The following TMEM242 variants were observed in gnomAD, a reference collection of about 807,000 sequenced individuals.
TMEM242 encodes transmembrane protein 242.
Under a neutral mutation model 18.2 loss-of-function variants are expected in TMEM242, and 10 were observed. The observed-to-expected ratio is 0.55, with a 90% CI of 0.34 to 0.93. The LOEUF is 0.93. Ranked by LOEUF, TMEM242 falls within the 40% of genes least tolerant of loss-of-function variation. TMEM242 has a pLI of 0.02. For missense variants in TMEM242, 186 were observed against 175.5 expected, an observed-to-expected ratio of 1.06 and a Z score of -0.34; for synonymous variants, 57 against 69.9, an observed-to-expected ratio of 0.81 and a Z score of 0.92.
intron 3 of TMEM242, among the ~76,000 whole-genome samples, chr6:157,298,573 C>T (rs2128413019): frequency 6.6e-6 from 1 of 152,158 alleles, no homozygotes; most frequent in African/African-American, 2.4e-5. Context: ...AAAGGCCGTC[C>T]CAGAGGAAAT....
At chr6:157,312,100 C>CAGTGTGCG (rs1562384157) in intron 3 of TMEM242, among the ~76,000 whole-genome samples, 5 of 3,212 alleles carry the variant, frequency 1.6e-3, no homozygotes, top group African/African-American at 4.2e-3. Flanking sequence ...CCTAGTGTCC[C>CAGTGTGCG]CTCACCTAGC....
intron 3 of TMEM242, among the ~76,000 whole-genome samples, chr6:157,313,810 AGAGCGCCCCAG>A (rs1778306545): frequency 1.4e-5 from 2 of 146,884 alleles, no homozygotes; most frequent in East Asian, 2.1e-4. Context: ...TGGCCTCATC[AGAGCGCCCCAG>A]TGTGCGCTCA....
chr6:157,295,099 TG>T (rs1315661334), intron 3 of TMEM242, among the ~76,000 whole-genome samples: 1 of 152,270 alleles, frequency 6.6e-6, no homozygotes, highest in African/African-American at 2.4e-5. Context: ...TATTATGGAA[TG>T]TCTGTTAAGT....
intron 3 of TMEM242, among the ~76,000 whole-genome samples, chr6:157,310,796 TCA>T (rs1554248451): frequency 6.7e-6 from 1 of 149,748 alleles, no homozygotes; most frequent in Non-Finnish European, 1.5e-5. Context: ...TCACCCGGCC[TCA>T]TCATAGGGTC....
At chr6:157,318,007 T>C (rs1375324836) in intron 3 of TMEM242, among the ~76,000 whole-genome samples, 2 of 152,240 alleles carry the variant, frequency 1.3e-5, no homozygotes, top group Non-Finnish European at 2.9e-5. Context: ...AATGTAATGC[T>C]CTGTAGCTTG....
intron 3 of TMEM242, among the ~76,000 whole-genome samples, chr6:157,315,037 C>CAAATAAATAA (rs1554250205): frequency 6.6e-6 from 1 of 152,208 alleles, no homozygotes; most frequent in African/African-American, 2.4e-5. Flanking sequence ...CTAGAATGAT[C>CAAATAAATAA]ATCTCAGTTA....
chr6:157,307,872 G>A (rs1395155994), intron 3 of TMEM242, among the ~76,000 whole-genome samples: 4 of 152,188 alleles, frequency 2.6e-5, no homozygotes, highest in Non-Finnish European at 5.9e-5. Context: ...CGAATATGCT[G>A]ACGTATGGTA....
chr6:157,312,797 C>A (rs1408321761), intron 3 of TMEM242, among the ~76,000 whole-genome samples: 1 of 3,404 alleles, frequency 2.9e-4, no homozygotes, highest in Non-Finnish European at 5.1e-4. Flanking sequence ...CATCATAATG[C>A]CCCAGTGTGA....
rs187910960 is a variant in TMEM242, at chr6:157,305,014, G to A, written c.328-12015C>T. On this transcript the variant is annotated intron_variant, in intron 3 of 3. Transcript: ENST00000400788. The surrounding 1 kb of genome is among the most constrained non-coding windows in gnomAD (Gnocchi z 4.1). The stretch of plus-strand genomic sequence containing the variant: ...GCTCAAGATGAGGTCAGTGAGGTTG[G>A]TGGGGCTACATCATGTAAACCTTCT... Among the ~76,000 whole-genome samples, 1 of 152,160 alleles carries A rather than the reference G, an allele frequency of 6.6e-6. No homozygotes were observed. Among genetic ancestry groups the A allele is most frequent in the East Asian group, 1.9e-4 (1 of 5,198 alleles).
At chr6:157,321,787 ACTTAGG>A (rs67421193) in intron 2 of TMEM242, among the ~76,000 whole-genome samples, 38,705 of 151,902 alleles carry the variant, frequency 0.25, 4,945 homozygotes, top group South Asian at 0.4. Context: ...GATTAACATA[ACTTAGG>A]CTTAGAAATC....
intron 3 of TMEM242, among the ~76,000 whole-genome samples, chr6:157,308,063 T>C (rs1212469760): frequency 6.6e-6 from 1 of 152,204 alleles, no homozygotes; most frequent in Non-Finnish European, 1.5e-5. Context: ...CTCAGTTTTG[T>C]TTTTAATGTT....
intron 3 of TMEM242, among the ~76,000 whole-genome samples, chr6:157,306,289 C>T (rs949241491): frequency 6.6e-6 from 1 of 152,094 alleles, no homozygotes; most frequent in African/African-American, 2.4e-5. Flanking sequence ...AGAGGCAAGG[C>T]GGGAGGCAGG....
chr6:157,297,519 A>G (rs587753137), intron 3 of TMEM242, among the ~76,000 whole-genome samples: 1 of 152,234 alleles, frequency 6.6e-6, no homozygotes, highest in South Asian at 2.1e-4. Flanking sequence ...TAGAACTGAA[A>G]CCACCACTCT....
chr6:157,302,273 T>C (rs972897591), intron 3 of TMEM242, among the ~76,000 whole-genome samples: 14 of 152,248 alleles, frequency 9.2e-5, no homozygotes, highest in African/African-American at 3.4e-4. Flanking sequence ...TTTTGATAGC[T>C]GTCATTTCTT....
chr6:157,320,056 A>C (rs1164777328), intron 2 of TMEM242, among the ~76,000 whole-genome samples: 1 of 152,230 alleles, frequency 6.6e-6, no homozygotes, highest in Admixed American at 6.5e-5. Flanking sequence ...TGCACTGACT[A>C]AGTGAGATTC....
At chr6:157,312,967 C>CCCCA in intron 3 of TMEM242, among the ~76,000 whole-genome samples, 1 of 1,142 alleles carries the variant, frequency 8.8e-4, no homozygotes, top group South Asian at 0.024. Flanking sequence ...CATCATAGTG[C>CCCCA]CTCAGTGTGC....
intron 1 of TMEM242, 42 bp from the exon 2 acceptor site, chr6:157,322,847 T>G: frequency 6.6e-7 from 1 of 1,525,130 alleles, no homozygotes; most frequent in South Asian, 1.2e-5. Flanking sequence ...TTAAAAAAAA[T>G]TAAATAAAAA....
At chr6:157,322,062 G>A (rs1373234094) in intron 2 of TMEM242, among the ~76,000 whole-genome samples, 1 of 152,126 alleles carries the variant, frequency 6.6e-6, no homozygotes, top group Non-Finnish European at 1.5e-5. Context: ...GACTTTTTAT[G>A]ATGTTTTACG....
At chr6:157,308,857 T>A (rs977172938) in intron 3 of TMEM242, among the ~76,000 whole-genome samples, 1 of 152,234 alleles carries the variant, frequency 6.6e-6, no homozygotes, top group Non-Finnish European at 1.5e-5. Context: ...GCATTTTGTA[T>A]AAACTTTTCT....
Sources: allele counts gnomAD v4.1 joint callset (sites outside exome capture counted in the v4.1 genomes callset), GRCh38; gene constraint gnomAD v4.1.1; non-coding constraint Gnocchi (gnomAD v3.1); transcripts MANE v1.5; gene names NCBI Gene and HGNC (gene_info 2026-07-23, HGNC 2026-07-21).